Variants in USH2A observed in about 807,000 individuals in gnomAD.
USH2A encodes usherin.
In USH2A, 443 loss-of-function variants were observed where a neutral mutation model predicts 538.9. That is an observed-to-expected ratio of 0.82 (90% CI 0.76 to 0.89). The LOEUF (loss-of-function observed/expected upper bound fraction) is 0.89, where lower values mean the gene tolerates loss of function less well. USH2A is among the 40% of genes least tolerant of loss of function. USH2A has a pLI of 0.00. For missense variants in USH2A, 6,633 were observed against 6,324.8 expected, an observed-to-expected ratio of 1.05 and a Z score of -1.65; for synonymous variants, 2,413 against 2,273.5, an observed-to-expected ratio of 1.06 and a Z score of -1.75.
Position 216,246,763 on chromosome 1 carries a change from A to AATC in USH2A, c.2630_2631insGAT (p.Leu877_Arg878insIle). The AATC allele has an allele frequency of 6.2e-7, 1 of 1,614,126 alleles. No individual in the cohort carries two copies. On this transcript the variant is annotated inframe_insertion, in exon 13 of 72. Transcript: ENST00000307340. ...TGTGAGGCTCACACTGATTACAGCG[A>AATC]AGACCTGTTACCCCTAATTTGCAAG...
intron 59 of USH2A, among the ~76,000 whole-genome samples, chr1:215,742,655 C>T (rs1041703572): frequency 5.3e-5 from 8 of 152,044 alleles, no homozygotes; most frequent in Non-Finnish European, 1.0e-4. Context: ...TAACACAACA[C>T]AGATACATGA....
intron 4 of USH2A, among the ~76,000 whole-genome samples, chr1:216,338,883 G>T (rs1417800415): frequency 6.6e-6 from 1 of 151,614 alleles, no homozygotes; most frequent in Non-Finnish European, 1.5e-5. Context: ...AAAACATGTT[G>T]ATAACACAGG....
At chr1:216,178,571 C>G (rs1453663033) in intron 20 of USH2A, among the ~76,000 whole-genome samples, 2 of 152,052 alleles carry the variant, frequency 1.3e-5, no homozygotes, top group African/African-American at 4.8e-5. Context: ...AATGGAGAAC[C>G]AATTACATAA....
At chr1:216,355,570 G>T (rs2038378663) in intron 4 of USH2A, among the ~76,000 whole-genome samples, 1 of 152,124 alleles carries the variant, frequency 6.6e-6, no homozygotes, top group South Asian at 2.1e-4. Flanking sequence ...CAAGCTGAGA[G>T]AATTTGCTTC....
At chr1:216,321,793 A>G in intron 9 of USH2A, 90 bp downstream of exon 9, 3 of 1,208,978 alleles carry the variant, frequency 2.5e-6, no homozygotes, top group Non-Finnish European at 3.7e-6. Flanking sequence ...ATTTATTTTC[A>G]TTTGTTAGGC....
At chr1:216,211,362 C>T (rs778510130) in intron 15 of USH2A, among the ~76,000 whole-genome samples, 46 of 152,224 alleles carry the variant, frequency 3.0e-4, no homozygotes, top group Non-Finnish European at 5.7e-4. Context: ...TGGAATCTGC[C>T]ACTACTTCCA....
chr1:215,720,535 G>C (rs1211711004), intron 61 of USH2A, among the ~76,000 whole-genome samples: 1 of 152,146 alleles, frequency 6.6e-6, no homozygotes, highest in Non-Finnish European at 1.5e-5. Context: ...GACTGGCTAG[G>C]TTTCATCCAG....
At chr1:216,172,125 T>C (rs192192893) in intron 21 of USH2A, among the ~76,000 whole-genome samples, 2 of 152,210 alleles carry the variant, frequency 1.3e-5, no homozygotes, top group Admixed American at 1.3e-4. Flanking sequence ...GCTTGAATTA[T>C]TCTCTTTCTA....
intron 23 of USH2A, among the ~76,000 whole-genome samples, chr1:216,087,762 A>T (rs763679372): frequency 6.6e-6 from 1 of 152,148 alleles, no homozygotes; most frequent in African/African-American, 2.4e-5. Context: ...ACTTCTTATT[A>T]TATCTTCAAT....
In USH2A at chr1:216,340,973, T is replaced by C. The variant is rs567815638; in HGVS notation, c.785-13319A>G. On this transcript the variant is annotated intron_variant, in intron 4 of 71. Transcript: ENST00000307340. ...CTTCTTTCATCATTCCTATTCAAGA[T>C]AGTATTGGAAGTTCTGGCCAGGGCA... is the stretch of plus-strand genomic sequence containing the variant. Among the ~76,000 whole-genome samples, 11 of 152,184 alleles carry C rather than the reference T, an allele frequency of 7.2e-5. No individual in the cohort carries two copies. In the South Asian group the frequency reaches 2.3e-3, roughly 32 times the overall value.
intron 12 of USH2A, among the ~76,000 whole-genome samples, chr1:216,248,850 G>C (rs1002038314): frequency 1.3e-5 from 2 of 152,008 alleles, no homozygotes; most frequent in African/African-American, 4.8e-5. Flanking sequence ...GGCCTACAGG[G>C]CATCACATTC....
intron 13 of USH2A, among the ~76,000 whole-genome samples, chr1:216,243,077 C>G (rs949845851): frequency 6.6e-6 from 1 of 152,130 alleles, no homozygotes; most frequent in Non-Finnish European, 1.5e-5. Context: ...ATCATTCTAG[C>G]TTTTCATAAC....
intron 4 of USH2A, among the ~76,000 whole-genome samples, chr1:216,328,135 G>A (rs1282499215): frequency 2.0e-5 from 3 of 152,036 alleles, no homozygotes; most frequent in Admixed American, 6.6e-5. Context: ...TTAAATTAAT[G>A]TCTGTTCTAG....
At position 215,934,652 on chromosome 1, in the gene USH2A, T is replaced by A. The variant is rs1666445902; in HGVS notation, c.7264A>T (p.Ile2422Leu). 1.2e-6 allele frequency: 2 copies of A among 1,612,530 alleles called. No individual in the cohort carries two copies. Among genetic ancestry groups the A allele is most frequent in the Non-Finnish European group, 1.7e-6 (2 of 1,178,986 alleles). ...VNISNSQGSLITDPITIAMPP... is the reference protein window; with the variant it reads ...VNISNSQGSLLTDPITIAMPP... ...ATTGCAATTGTTATAGGATCAGTTATCAAGCTGCCTTGGCTATTTGAAATA... is the reference window on the plus strand; with the variant it reads ...ATTGCAATTGTTATAGGATCAGTTAACAAGCTGCCTTGGCTATTTGAAATA... The change falls in exon 38 of 72, where the codon ATA (isoleucine) becomes TTA (leucine). Residue 2422 changes from isoleucine to leucine, a missense_variant. Transcript: ENST00000307340.
intron 71 of USH2A, among the ~76,000 whole-genome samples, chr1:215,627,385 T>TTTCC (rs1196832202): frequency 3.2e-5 from 1 of 31,280 alleles, no homozygotes; most frequent in Admixed American, 3.0e-4. Context: ...CCCTTCCTTC[T>TTTCC]TTCCTTCCTT....
chr1:216,089,547 G>C (rs2032243310), intron 22 of USH2A, among the ~76,000 whole-genome samples: 1 of 152,010 alleles, frequency 6.6e-6, no homozygotes, highest in African/African-American at 2.4e-5. Flanking sequence ...AATGAGTTCT[G>C]AAGATAGAGA....
At chr1:216,259,129 C>A (rs1429563853) in intron 11 of USH2A, among the ~76,000 whole-genome samples, 2 of 152,064 alleles carry the variant, frequency 1.3e-5, no homozygotes, top group African/African-American at 4.8e-5. Flanking sequence ...ACTTCAATCC[C>A]CTCATCAGCA....
intron 27 of USH2A, among the ~76,000 whole-genome samples, 175 bp from the exon 28 acceptor site, chr1:216,073,475 T>C (rs867442687): frequency 1.3e-5 from 2 of 152,186 alleles, no homozygotes; most frequent in African/African-American, 4.8e-5. Flanking sequence ...ACAAGCTAAT[T>C]TGTTGCAAAG....
At chr1:216,249,831 G>C (rs559428280) in intron 12 of USH2A, among the ~76,000 whole-genome samples, 7 of 152,096 alleles carry the variant, frequency 4.6e-5, no homozygotes, top group African/African-American at 1.7e-4. Context: ...TATTCAGAAT[G>C]ATATGTACAT....
Sources: gnomAD v4.1 joint callset for allele counts (sites outside exome capture counted in the v4.1 genomes callset) on GRCh38, gnomAD v4.1.1 for gene constraint, MANE v1.5 for transcripts, NCBI Gene and HGNC (gene_info 2026-07-23, HGNC 2026-07-21) for gene names.